The following CABLES1 variants were observed in gnomAD, a reference collection of about 807,000 sequenced individuals.
CABLES1 encodes CDK5 and ABL1 enzyme substrate 1.
A neutral mutation model predicts 57.8 loss-of-function variants in CABLES1; 36 were observed. That is an observed-to-expected ratio of 0.62 (90% confidence interval 0.48 to 0.82). The LOEUF is 0.82. CABLES1 is among the 40% of genes least tolerant of loss of function. The pLI is 0.00. For synonymous variants in CABLES1, 374 were observed against 363.0 expected (o/e 1.03, Z -0.35); for missense variants, 767 against 836.6 (o/e 0.92, Z 1.03).
intron 1 of CABLES1, among the ~76,000 whole-genome samples, chr18:23,168,498 G>C (rs978611182): frequency 6.6e-6 from 1 of 152,222 alleles, no homozygotes; most frequent in African/African-American, 2.4e-5. Flanking sequence ...TAGGTGCAGA[G>C]TTTCAGCCTG....
At position 23,235,924 on chromosome 18, in the gene CABLES1, C is replaced by T. The variant is rs377020902; in HGVS notation, c.1215C>T (p.Pro405=). 78 of 1,614,196 alleles carry T rather than the reference C, an allele frequency of 4.8e-5. No individual in the cohort carries two copies. The African/African-American group carries it at 7.6e-4, about 16-fold the overall frequency. ...TTTCCTATACCCAATTTCTGTTACC[C>T]ACAAATGCCTTTGGAGCCCGGAGAA... is the stretch of plus-strand genomic sequence containing the variant. ...KTVSYTQFLL[P]TNAFGARRNT... is the part of the protein sequence containing the mutation. Residue 405 remains proline (P), a synonymous_variant, in exon 6 of 10, where the codon CCC becomes CCT. Transcript: ENST00000256925.
At chr18:23,151,510 C>T (rs990593226) in intron 1 of CABLES1, among the ~76,000 whole-genome samples, 4 of 152,180 alleles carry the variant, frequency 2.6e-5, no homozygotes, top group Admixed American at 2.0e-4. Flanking sequence ...GCTGATAGAA[C>T]TTGTAGGGAA....
intron 1 of CABLES1, among the ~76,000 whole-genome samples, chr18:23,166,309 C>T (rs2047042343): frequency 6.6e-6 from 1 of 151,446 alleles, no homozygotes; most frequent in African/African-American, 2.4e-5. Context: ...TCAAGTGATT[C>T]TCCTGCCTCA....
rs1268498362 is a variant in CABLES1, at chr18:23,259,171, T to TGTCA, written c.*1805_*1808dup. The TGTCA allele has an allele frequency of 6.6e-6, 1 of 152,302 alleles. No homozygotes were observed. The highest frequency in any genetic ancestry group is 2.4e-5 in the African/African-American group (1 of 41,468). 9.4% of individuals were successfully genotyped at this position (152,302 alleles called of 1,614,324 possible). On this transcript the variant is annotated 3_prime_UTR_variant, in exon 10 of 10. Coordinates refer to ENST00000256925, the MANE Select transcript of CABLES1 (RefSeq NM_001100619.3). ...CCCTTGGCCTTCCTCACATGGGGTC[T>TGTCA]GTCACCTTGCATCTCTGATAAGCCA...
At chr18:23,209,041 T>C (rs769037473) in intron 3 of CABLES1, among the ~76,000 whole-genome samples, 12 of 152,224 alleles carry the variant, frequency 7.9e-5, no homozygotes, top group Non-Finnish European at 1.8e-4. Flanking sequence ...GCAAAGACAC[T>C]ACAGCAGTCC....
At chr18:23,151,143 C>T (rs1014528648) in intron 1 of CABLES1, among the ~76,000 whole-genome samples, 6 of 151,704 alleles carry the variant, frequency 4.0e-5, no homozygotes, top group Non-Finnish European at 5.9e-5. Context: ...CTCAGCCTCC[C>T]GAGTAGCTGG....
chr18:23,240,349 C>T (rs1052020057), intron 7 of CABLES1, among the ~76,000 whole-genome samples: 1 of 152,088 alleles, frequency 6.6e-6, no homozygotes, highest in Admixed American at 6.5e-5. Flanking sequence ...GAAGTCGTTG[C>T]CCTTCCCCCT....
At chr18:23,174,535 G>C (rs900374729) in intron 1 of CABLES1, among the ~76,000 whole-genome samples, 3 of 151,202 alleles carry the variant, frequency 2.0e-5, no homozygotes, top group African/African-American at 7.3e-5. Flanking sequence ...GCAGTGGCAC[G>C]ATCTCAGTTC....
At chr18:23,150,748 A>G (rs9675924) in intron 1 of CABLES1, among the ~76,000 whole-genome samples, 116,345 of 151,656 alleles carry the variant, frequency 0.77, 45,329 homozygotes, top group African/African-American at 0.88. Flanking sequence ...AGGTGTTGTG[A>G]CTGGGAAAGG....
At chr18:23,182,268 G>T (rs1395257421) in intron 1 of CABLES1, among the ~76,000 whole-genome samples, 3 of 152,190 alleles carry the variant, frequency 2.0e-5, no homozygotes, top group African/African-American at 7.2e-5. Flanking sequence ...CAGTGCTCCA[G>T]GCTAACTAGC....
At chr18:23,251,125 C>T (rs971866038) in intron 7 of CABLES1, among the ~76,000 whole-genome samples, 3 of 152,202 alleles carry the variant, frequency 2.0e-5, no homozygotes, top group Non-Finnish European at 2.9e-5. Context: ...CAAAATCTGT[C>T]ATTTCTTCTT....
intron 3 of CABLES1, among the ~76,000 whole-genome samples, chr18:23,209,233 C>G (rs1437320026): frequency 6.6e-6 from 1 of 152,196 alleles, no homozygotes; most frequent in African/African-American, 2.4e-5. Flanking sequence ...GTCTCGCTAC[C>G]TGCCCTATAT....
At chr18:23,206,817 CT>C (rs774150949) in intron 3 of CABLES1, among the ~76,000 whole-genome samples, 303 of 137,252 alleles carry the variant, frequency 2.2e-3, no homozygotes, top group African/African-American at 2.7e-3. Flanking sequence ...GTTTGTGCAC[CT>C]TTTTTTTTTT....
At chr18:23,163,221 T>G (rs2047017159) in intron 1 of CABLES1, among the ~76,000 whole-genome samples, 1 of 151,630 alleles carries the variant, frequency 6.6e-6, no homozygotes, top group African/African-American at 2.4e-5. Context: ...AAGAAGAGGT[T>G]GAGTTTGGCA....
At chr18:23,197,872 A>G (rs1024759572) in intron 3 of CABLES1, 1 of 152,192 alleles carries the variant, frequency 6.6e-6, no homozygotes, top group African/African-American at 2.4e-5. Context: ...GTTGGAGCAT[A>G]TTTCCAGAAG....
At chr18:23,172,909 G>A (rs529826316) in intron 1 of CABLES1, among the ~76,000 whole-genome samples, 1 of 152,326 alleles carries the variant, frequency 6.6e-6, no homozygotes, top group South Asian at 2.1e-4. Context: ...TTGGGGTATT[G>A]TCTTCCCGTT....
intron 1 of CABLES1, among the ~76,000 whole-genome samples, chr18:23,150,302 G>A (rs1331347199): frequency 7.4e-5 from 10 of 134,566 alleles, no homozygotes; most frequent in Admixed American, 6.6e-4. Context: ...TCCACCTCCC[G>A]CGTTCATGCC....
In CABLES1 at chr18:23,245,418, C is replaced by T. The variant is rs7238996; in HGVS notation, c.1447-7542C>T. Among the ~76,000 whole-genome samples the T allele has an allele frequency of 8.1e-3, 1,220 of 150,108 alleles. 21 individuals carry two copies. Among genetic ancestry groups the T allele is most frequent in the African/African-American group, 0.028 (1,151 of 40,736 alleles). Reference sequence around the variant, plus strand: ...CCCAGCTACTTGGGAGACTGAGGCACGAGAATCGCTTGAACCCGGGAGGCG... The same window carrying T: ...CCCAGCTACTTGGGAGACTGAGGCATGAGAATCGCTTGAACCCGGGAGGCG... On this transcript the variant is annotated intron_variant, in intron 7 of 9. Transcript: ENST00000256925.
intron 4 of CABLES1, chr18:23,219,006 G>GT (rs1201062636): frequency 5.5e-6 from 2 of 364,426 alleles, no homozygotes; most frequent in Non-Finnish European, 5.4e-6. Flanking sequence ...ACAGTGTTAA[G>GT]TAAAAGCAGG....
Sources: gnomAD v4.1 joint callset for allele counts (sites outside exome capture counted in the v4.1 genomes callset) on GRCh38, gnomAD v4.1.1 for gene constraint, MANE v1.5 for transcripts, NCBI Gene and HGNC (gene_info 2026-07-23, HGNC 2026-07-21) for gene names.